FRMD6: variants seen among roughly 807,000 people sequenced by gnomAD.
FRMD6 encodes FERM domain containing 6.
FRMD6 carries 37 observed loss-of-function variants against 73.2 expected under a neutral mutation model. The ratio of observed to expected loss-of-function variants is 0.51; its 90% CI spans 0.39 to 0.66. The LOEUF (loss-of-function observed/expected upper bound fraction) is 0.66, where lower values mean the gene tolerates loss of function less well. Ranked by LOEUF, FRMD6 falls within the 30% of genes least tolerant of loss-of-function variation. The pLI is 0.00. For synonymous variants in FRMD6, 273 were observed against 282.2 expected, an observed-to-expected ratio of 0.97 and a Z score of 0.33; for missense variants, 714 against 780.5, an observed-to-expected ratio of 0.91 and a Z score of 1.02.
At chr14:51,600,893 G>A (rs942393770) in intron 2 of FRMD6, among the ~76,000 whole-genome samples, 7 of 152,182 alleles carry the variant, frequency 4.6e-5, no homozygotes, top group Admixed American at 3.3e-4. Flanking sequence ...CTTGCAGCAA[G>A]CAGCAGTTGC....
intron 1 of FRMD6, among the ~76,000 whole-genome samples, chr14:51,685,684 G>C (rs1362478111): frequency 6.6e-6 from 1 of 152,114 alleles, no homozygotes; most frequent in East Asian, 1.9e-4. Flanking sequence ...ATCTTCCTTT[G>C]AGGTTGGCAT....
chr14:51,533,477 T>C (rs1956567), intron 1 of FRMD6, among the ~76,000 whole-genome samples: 11,617 of 152,236 alleles, frequency 0.076, 600 homozygotes, highest in Admixed American at 0.17. Context: ...CTGGTGTTTT[T>C]ACAGGAGTCT....
intron 3 of FRMD6, among the ~76,000 whole-genome samples, chr14:51,700,539 A>G (rs1024096513): frequency 6.6e-6 from 1 of 152,066 alleles, no homozygotes; most frequent in Non-Finnish European, 1.5e-5. Context: ...GAACACGGAC[A>G]AGAAATAGTC....
chr14:51,573,825 C>A (rs1251340473), intron 2 of FRMD6, among the ~76,000 whole-genome samples: 1 of 152,156 alleles, frequency 6.6e-6, no homozygotes, highest in African/African-American at 2.4e-5. Context: ...AAAGAATCAC[C>A]GTGTATCAGT....
chr14:51,536,559 A>G (rs1885903984), intron 1 of FRMD6, among the ~76,000 whole-genome samples: 2 of 152,094 alleles, frequency 1.3e-5, no homozygotes, highest in Admixed American at 6.6e-5. Flanking sequence ...CTGGGATTAC[A>G]GGTGCCTGCC....
At chr14:51,553,994 G>C (rs1006426046) in intron 1 of FRMD6, among the ~76,000 whole-genome samples, 5 of 152,192 alleles carry the variant, frequency 3.3e-5, no homozygotes, top group African/African-American at 1.2e-4. Flanking sequence ...AAGAACCAGG[G>C]ATTCTTGGAG....
chr14:51,512,806 G>A (rs1884393426), intron 1 of FRMD6, among the ~76,000 whole-genome samples: 1 of 152,156 alleles, frequency 6.6e-6, no homozygotes, highest in Non-Finnish European at 1.5e-5. Flanking sequence ...AGCAAGGATT[G>A]GGGCTCAGTG....
At chr14:51,415,652 A>T in the FRMD6 span, among the ~76,000 whole-genome samples, 1 of 152,164 alleles carries the variant, frequency 6.6e-6, no homozygotes, top group South Asian at 2.1e-4. Flanking sequence ...TGGTATCAGG[A>T]TGATGCTGGC....
intron 1 of FRMD6, among the ~76,000 whole-genome samples, chr14:51,661,444 A>G (rs1893213320): frequency 6.6e-6 from 1 of 152,214 alleles, no homozygotes; most frequent in African/African-American, 2.4e-5. Context: ...ATTGATCTAC[A>G]CAATGGAAGA....
intron 2 of FRMD6, among the ~76,000 whole-genome samples, chr14:51,578,462 A>G (rs1278042532): frequency 1.3e-5 from 2 of 152,086 alleles, no homozygotes; most frequent in Non-Finnish European, 1.5e-5. Flanking sequence ...TTGTTTGTGT[A>G]TTTTCATTTT....
chr14:51,585,939 G>A (rs867165973), intron 2 of FRMD6, among the ~76,000 whole-genome samples: 10 of 31,410 alleles, frequency 3.2e-4, no homozygotes, highest in South Asian at 2.1e-3. Flanking sequence ...GTGTGTGTGT[G>A]TATATATATA....
At chr14:51,515,285 T>C (rs1479338390) in intron 1 of FRMD6, among the ~76,000 whole-genome samples, 1 of 152,232 alleles carries the variant, frequency 6.6e-6, no homozygotes, top group Non-Finnish European at 1.5e-5. Flanking sequence ...CTCCAGGACA[T>C]AACTCAGTCC....
chr14:51,414,282 T>C, the FRMD6 span, among the ~76,000 whole-genome samples: 1 of 152,250 alleles, frequency 6.6e-6, no homozygotes, highest in Non-Finnish European at 1.5e-5. Flanking sequence ...TTTTTATGAT[T>C]TTAGGTCTAA....
At chr14:51,463,967 A>G in the FRMD6 span, among the ~76,000 whole-genome samples, 1 of 152,124 alleles carries the variant, frequency 6.6e-6, no homozygotes, top group Non-Finnish European at 1.5e-5. Flanking sequence ...ACAGGCGTGC[A>G]CTACCATGTG....
the FRMD6 span, among the ~76,000 whole-genome samples, chr14:51,479,108 A>T: frequency 6.6e-6 from 1 of 152,194 alleles, no homozygotes; most frequent in Admixed American, 6.5e-5. Context: ...GTCATTAATT[A>T]CTGACAGCCC....
intron 2 of FRMD6, among the ~76,000 whole-genome samples, chr14:51,589,544 A>G (rs1889255983): frequency 6.6e-6 from 1 of 151,956 alleles, no homozygotes; most frequent in African/African-American, 2.4e-5. Flanking sequence ...CACATACACA[A>G]AACACTCTCC....
chr14:51,716,736 T>C (rs1054365542), intron 10 of FRMD6, among the ~76,000 whole-genome samples: 1 of 152,248 alleles, frequency 6.6e-6, no homozygotes, highest in East Asian at 1.9e-4. Flanking sequence ...TGGCTTCAGC[T>C]GCTGCTAGAC....
intron 2 of FRMD6, 118 bp downstream of exon 2, chr14:51,690,053 A>G (rs1315828829): frequency 5.4e-6 from 4 of 735,834 alleles, no homozygotes; most frequent in Middle Eastern, 2.3e-4. Context: ...ATCATGTGGC[A>G]GAATTGGGTT....
chr14:51,529,984 G>A (rs1885489490), intron 1 of FRMD6, among the ~76,000 whole-genome samples: 1 of 152,202 alleles, frequency 6.6e-6, no homozygotes, highest in Non-Finnish European at 1.5e-5. Flanking sequence ...AGGCAATAAT[G>A]CCTGCAATTG....
Sources: gnomAD v4.1 joint callset for allele counts (sites outside exome capture counted in the v4.1 genomes callset) on GRCh38, gnomAD v4.1.1 for gene constraint, MANE v1.5 for transcripts, NCBI Gene and HGNC (gene_info 2026-07-23, HGNC 2026-07-21) for gene names.